Variants in MGAT4C observed in about 807,000 individuals in gnomAD.
MGAT4C encodes MGAT4 family member C.
MGAT4C carries 19 observed loss-of-function variants against 40.1 expected under a neutral mutation model. That is an observed-to-expected ratio of 0.47 (90% CI 0.33 to 0.70). The LOEUF (loss-of-function observed/expected upper bound fraction) is 0.70, where lower values mean the gene tolerates loss of function less well. Among genes scored for constraint, MGAT4C ranks in the 30% least tolerant of loss-of-function variants. The pLI is 0.02. For synonymous variants in MGAT4C, 181 were observed against 187.1 expected (o/e 0.97, Z 0.27); for missense variants, 491 against 563.2 (o/e 0.87, Z 1.30).
intron 2 of MGAT4C, among the ~76,000 whole-genome samples, chr12:86,696,503 G>T (rs1234749589): frequency 6.6e-6 from 1 of 152,220 alleles, no homozygotes; most frequent in Non-Finnish European, 1.5e-5. Flanking sequence ...AGGCCTTTGA[G>T]AAATATGATT....
At chr12:86,196,974 AAATTTCTTC>A (rs1949837736) in intron 1 of MGAT4C, among the ~76,000 whole-genome samples, 1 of 152,194 alleles carries the variant, frequency 6.6e-6, no homozygotes, top group Non-Finnish European at 1.5e-5. Flanking sequence ...TCTTGCTTAA[AAATTTCTTC>A]AATTTGTATA....
At chr12:86,378,517 A>C (rs1357077837) in intron 3 of MGAT4C, among the ~76,000 whole-genome samples, 2 of 152,200 alleles carry the variant, frequency 1.3e-5, no homozygotes, top group Non-Finnish European at 2.9e-5. Context: ...GAGGAAAGAA[A>C]AAAAGAGCAA....
chr12:86,171,312 T>G (rs1231193826), intron 1 of MGAT4C, among the ~76,000 whole-genome samples: 2 of 152,134 alleles, frequency 1.3e-5, no homozygotes, highest in East Asian at 1.9e-4. Flanking sequence ...GAGGTTGCGG[T>G]GAGCTGAGAT....
intron 2 of MGAT4C, among the ~76,000 whole-genome samples, chr12:86,527,890 A>C (rs2136368771): frequency 6.6e-6 from 1 of 152,292 alleles, no homozygotes; most frequent in Non-Finnish European, 1.5e-5. Context: ...GGACTTCATA[A>C]AAATAGAGTA....
chr12:86,656,994 G>C (rs899694747), intron 2 of MGAT4C, among the ~76,000 whole-genome samples: 3 of 151,940 alleles, frequency 2.0e-5, no homozygotes, highest in Non-Finnish European at 4.4e-5. Context: ...ACTTACATGG[G>C]TATAAGAACT....
At chr12:86,632,031 T>C (rs1963063008) in intron 2 of MGAT4C, among the ~76,000 whole-genome samples, 1 of 152,008 alleles carries the variant, frequency 6.6e-6, no homozygotes, top group Non-Finnish European at 1.5e-5. Flanking sequence ...GTGTCCAGAA[T>C]CTACAAAGAA....
Position 85,957,657 on chromosome 12 carries a change from C to CAAAAAAAAAAAAAAAG in MGAT4C, c.*21631_*21632insCTTTTTTTTTTTTTTT, listed in dbSNP as rs1882870860. On this transcript the variant is annotated 3_prime_UTR_variant, in exon 5 of 5. Transcript: ENST00000611864. ...TTTACTGTAGAGTTGAATAAGAAAG[C>CAAAAAAAAAAAAAAAG]AAAAAAAAAAAAAAAAGAAAAAAGA... The CAAAAAAAAAAAAAAAG allele has an allele frequency of 4.5e-4, 46 of 101,298 alleles. No individual in the cohort carries two copies. The highest frequency in any genetic ancestry group is 5.9e-4 in the Non-Finnish European group (31 of 52,738). 6.3% of individuals were successfully genotyped at this position (101,298 alleles called of 1,614,324 possible). A position where few individuals can be genotyped will look rare whatever the true frequency, so the allele number is the denominator to read the frequency against.
At chr12:86,301,388 G>C (rs1226279134) in intron 4 of MGAT4C, among the ~76,000 whole-genome samples, 1 of 152,106 alleles carries the variant, frequency 6.6e-6, no homozygotes, top group Admixed American at 6.6e-5. Flanking sequence ...CTTGGAAAAT[G>C]GTTTCTATTT....
At chr12:86,346,675 G>A (rs1955040496) in intron 3 of MGAT4C, among the ~76,000 whole-genome samples, 1 of 152,182 alleles carries the variant, frequency 6.6e-6, no homozygotes, top group Non-Finnish European at 1.5e-5. Flanking sequence ...TATGCCTGGT[G>A]TGATGGTTAA....
chr12:86,082,454 T>A (rs1465613276), intron 1 of MGAT4C, among the ~76,000 whole-genome samples: 3 of 152,204 alleles, frequency 2.0e-5, no homozygotes, highest in African/African-American at 7.2e-5. Flanking sequence ...TGTATTACTG[T>A]ATTTCTTCAG....
intron 1 of MGAT4C, among the ~76,000 whole-genome samples, chr12:86,753,166 C>A (rs1951250480): frequency 1.3e-5 from 2 of 152,098 alleles, no homozygotes; most frequent in Non-Finnish European, 2.9e-5. Flanking sequence ...TAAAATCTCT[C>A]CAGCAAGGTA....
At position 86,487,619 on chromosome 12, in the gene MGAT4C, C is replaced by A. The variant is rs541103799; in HGVS notation, c.-228-52354G>T. 1.1e-4 allele frequency among the ~76,000 whole-genome samples: 17 copies of A among 152,176 alleles called. No homozygotes were observed. The East Asian group carries it at 2.5e-3, about 22-fold the overall frequency. On this transcript the variant is annotated intron_variant, in intron 2 of 7. Transcript: ENST00000548651. Reference sequence around the variant, plus strand: ...TCTGAAGATTTTCTATTTCTAACTACCAATGGTTAAGTTTAAATATATTTA... The same window carrying A: ...TCTGAAGATTTTCTATTTCTAACTAACAATGGTTAAGTTTAAATATATTTA...
intron 2 of MGAT4C, among the ~76,000 whole-genome samples, chr12:86,689,751 C>A (rs1053602384): frequency 1.3e-5 from 2 of 152,188 alleles, no homozygotes; most frequent in African/African-American, 2.4e-5. Context: ...TGTCTGTCGA[C>A]CCTGGCTGGG....
chr12:86,205,753 T>C (rs760761923), intron 1 of MGAT4C, among the ~76,000 whole-genome samples: 30 of 152,214 alleles, frequency 2.0e-4, no homozygotes, highest in East Asian at 1.9e-4. Context: ...TTCTTGACTC[T>C]ATATTTCCAG....
At chr12:86,592,990 ATACT>A (rs1314180554) in intron 2 of MGAT4C, among the ~76,000 whole-genome samples, 2 of 152,114 alleles carry the variant, frequency 1.3e-5, no homozygotes, top group African/African-American at 4.8e-5. Context: ...ATATAATATC[ATACT>A]TAATATTGGC....
At chr12:86,755,775 T>G (rs865893890) in intron 1 of MGAT4C, among the ~76,000 whole-genome samples, 3 of 151,722 alleles carry the variant, frequency 2.0e-5, no homozygotes, top group Admixed American at 2.0e-4. Flanking sequence ...AGCCTCTGAG[T>G]AGCTGGGACT....
intron 4 of MGAT4C, among the ~76,000 whole-genome samples, chr12:86,299,407 G>A (rs909699186): frequency 7.9e-5 from 12 of 152,146 alleles, no homozygotes; most frequent in African/African-American, 2.9e-4. Flanking sequence ...GTGAGCCACT[G>A]TGCCTGGCCT....
chr12:86,760,050 C>G (rs1284444632), intron 1 of MGAT4C, among the ~76,000 whole-genome samples: 1 of 152,076 alleles, frequency 6.6e-6, no homozygotes, highest in Non-Finnish European at 1.5e-5. Flanking sequence ...ATGATGAAAA[C>G]AGCATGGTAC....
At chr12:86,465,339 C>A (rs1957664143) in intron 2 of MGAT4C, among the ~76,000 whole-genome samples, 1 of 151,874 alleles carries the variant, frequency 6.6e-6, no homozygotes, top group African/African-American at 2.4e-5. Context: ...AGATACAATA[C>A]CAAAGGGAAT....
Sources: gnomAD v4.1 joint callset for allele counts (sites outside exome capture counted in the v4.1 genomes callset) on GRCh38, gnomAD v4.1.1 for gene constraint, MANE v1.5 for transcripts, NCBI Gene and HGNC (gene_info 2026-07-23, HGNC 2026-07-21) for gene names.